FAM161A: variants seen among roughly 807,000 people sequenced by gnomAD.
The protein encoded by FAM161A is protein FAM161A.
Under a neutral mutation model 70.9 loss-of-function variants are expected in FAM161A, and 57 were observed. The observed-to-expected ratio is 0.80, with a 90% CI of 0.65 to 1.00. The LOEUF (loss-of-function observed/expected upper bound fraction) is 1.00, where lower values mean the gene tolerates loss of function less well. FAM161A is among the 50% of genes least tolerant of loss of function. The pLI, the probability that FAM161A is intolerant of heterozygous loss-of-function variation, is 0.00. For missense variants in FAM161A, 880 were observed against 836.0 expected (o/e 1.05, Z -0.65); for synonymous variants, 299 against 295.7 (o/e 1.01, Z -0.12).
intron 1 of FAM161A, among the ~76,000 whole-genome samples, chr2:61,844,498 A>G (rs189134440): frequency 6.6e-6 from 1 of 152,184 alleles, no homozygotes; most frequent in East Asian, 1.9e-4. Context: ...CAGGAGTTTG[A>G]GACCAGCCTG....
downstream of FAM161A, among the ~76,000 whole-genome samples, chr2:61,823,705 G>A (rs1291766887): frequency 3.3e-5 from 5 of 152,162 alleles, no homozygotes; most frequent in East Asian, 9.7e-4. Flanking sequence ...GTGTGTGTTT[G>A]TGTATGTGTA....
At chr2:61,803,739 G>A in the FAM161A span, among the ~76,000 whole-genome samples, 6 of 152,180 alleles carry the variant, frequency 3.9e-5, no homozygotes, top group South Asian at 2.1e-4. Context: ...GTGTGAACTC[G>A]GGACATGGAG....
At chr2:61,852,482 A>C (rs1476013418) in intron 1 of FAM161A, among the ~76,000 whole-genome samples, 4 of 152,226 alleles carry the variant, frequency 2.6e-5, no homozygotes, top group Non-Finnish European at 5.9e-5. Flanking sequence ...CAATTATTAT[A>C]GTTATTTTAC....
At chr2:61,812,560 A>G in the FAM161A span, among the ~76,000 whole-genome samples, 10 of 151,916 alleles carry the variant, frequency 6.6e-5, no homozygotes, top group African/African-American at 2.4e-4. Context: ...CGTCTACACT[A>G]AAAATACAAA....
the FAM161A span, among the ~76,000 whole-genome samples, chr2:61,813,865 T>TA: frequency 6.6e-6 from 1 of 152,222 alleles, no homozygotes; most frequent in Non-Finnish European, 1.5e-5. Context: ...CCATCCTATA[T>TA]ACTAGGCTCT....
Position 61,848,822 on chromosome 2 carries a change from AT to A in FAM161A, c.183+5036del, listed in dbSNP as rs1334416882. Among the ~76,000 whole-genome samples, 15 of 11,590 alleles carry A rather than the reference AT, an allele frequency of 1.3e-3. 2 individuals are homozygous for A. The highest frequency in any genetic ancestry group is 0.029 in the Middle Eastern group (1 of 34). The allele number at this position is 11,590 out of a possible 152,430, so 7.6% of individuals were successfully genotyped here. ...TCTGTCTATATATATATTTATATATATATATCTATATATATTTATATATATA... is the reference window on the plus strand; with the variant it reads ...TCTGTCTATATATATATTTATATATAATATCTATATATATTTATATATATA... On this transcript the variant is annotated intron_variant, in intron 1 of 6. Coordinates refer to ENST00000404929, the MANE Select transcript of FAM161A (RefSeq NM_001201543.2).
Position 61,839,823 on chromosome 2 carries a change from T to C in FAM161A, c.1181A>G (p.Asn394Ser). The C allele has an allele frequency of 6.2e-7, 1 of 1,614,088 alleles. No individual in the cohort carries two copies. Among genetic ancestry groups the C allele is most frequent in the Non-Finnish European group, 8.5e-7 (1 of 1,180,016 alleles). ...TQLRAQEHLQ[N>S]SSPLPCRSAC... is the part of the protein sequence containing the mutation. ...TGACCTACAAGGCAGAGGAGATGAG[T>C]TCTGTAAATGCTCCTGGGCTCTCAG... is the stretch of plus-strand genomic sequence containing the variant. Residue 394 changes from asparagine to serine, a missense_variant, in exon 3 of 7, where the codon AAC becomes AGC. By Grantham distance (46) the Asn-to-Ser change is conservative. Transcript: ENST00000404929.
the FAM161A span, among the ~76,000 whole-genome samples, chr2:61,808,409 G>A: frequency 6.6e-6 from 1 of 151,898 alleles, no homozygotes; most frequent in African/African-American, 2.4e-5. Context: ...AGTAGCTGGG[G>A]CTACAGGCGC....
chr2:61,847,442 T>C (rs1673263993), intron 1 of FAM161A, among the ~76,000 whole-genome samples: 1 of 152,068 alleles, frequency 6.6e-6, no homozygotes, highest in Non-Finnish European at 1.5e-5. Context: ...GATTGTGTAT[T>C]ATATGCCTGC....
chr2:61,809,647 A>G, the FAM161A span, among the ~76,000 whole-genome samples: 1 of 152,212 alleles, frequency 6.6e-6, no homozygotes. Flanking sequence ...AGATGGCCTT[A>G]GCATTCTTTC....
chr2:61,838,384 G>A (rs1672851587), intron 4 of FAM161A, among the ~76,000 whole-genome samples, 154 bp downstream of exon 4: 1 of 152,182 alleles, frequency 6.6e-6, no homozygotes, highest in South Asian at 2.1e-4. Flanking sequence ...AGGTGAGTGT[G>A]TGTGCACTGA....
At chr2:61,841,869 T>A (rs1044632237) in intron 2 of FAM161A, among the ~76,000 whole-genome samples, 2 of 152,220 alleles carry the variant, frequency 1.3e-5, no homozygotes, top group Non-Finnish European at 2.9e-5. Flanking sequence ...AGACTAAGTA[T>A]TTTGATACAT....
At chr2:61,837,984 AT>A (rs1484326073) in intron 4 of FAM161A, among the ~76,000 whole-genome samples, 2 of 152,232 alleles carry the variant, frequency 1.3e-5, no homozygotes, top group Admixed American at 6.5e-5. Context: ...AAACATCAAC[AT>A]TTTTATGTGC....
chr2:61,804,331 G>C, the FAM161A span, among the ~76,000 whole-genome samples: 4 of 152,122 alleles, frequency 2.6e-5, no homozygotes, highest in South Asian at 2.1e-4. Context: ...GTGACTTAGA[G>C]AATGCCTTAA....
chr2:61,849,549 T>C (rs1463337641), intron 1 of FAM161A, among the ~76,000 whole-genome samples: 1 of 151,262 alleles, frequency 6.6e-6, no homozygotes, highest in African/African-American at 2.4e-5. Context: ...CTTTGGGAGG[T>C]CAAGGCTGGC....
rs1672911942 is a variant in FAM161A at position 61,839,443 on chromosome 2, T to C, written c.1561A>G (p.Arg521Gly). The change falls in exon 3 of 7, where the codon AGA becomes GGA. Residue 521 changes from arginine (R) to glycine (G), a missense_variant. Transcript: ENST00000404929. ...CNPPVPTVSS[R>G]GREQAVRRSL... Reference sequence around the variant, plus strand: ...TACCTTACGGCTTGTTCTCGTCCTCTGGAAGATACCGTGGGCACGGGAGGG... The same window carrying C: ...TACCTTACGGCTTGTTCTCGTCCTCCGGAAGATACCGTGGGCACGGGAGGG... 6.2e-7 allele frequency: 1 copy of C among 1,614,082 alleles called. No homozygotes were observed.
At position 61,840,000 on chromosome 2, in the gene FAM161A, C is replaced by T. The variant is rs755314585; in HGVS notation, c.1004G>A (p.Arg335Gln). Reference protein sequence around the residue: ...FKFIAREEQKRAAREKQLRDF... With the variant: ...FKFIAREEQKQAAREKQLRDF... ...TCTCAGCTGCTTTTCCCGGGCTGCTCGCTTCTGTTCCTCCCTTGCTATAAA... is the reference window on the plus strand; with the variant it reads ...TCTCAGCTGCTTTTCCCGGGCTGCTTGCTTCTGTTCCTCCCTTGCTATAAA... The change falls in exon 3 of 7, where the codon CGA (arginine) becomes CAA (glutamine). Residue 335 changes from arginine (R) to glutamine (Q), a missense_variant. Physicochemically the swap from Arg to Gln is conservative, Grantham distance 43. Coordinates refer to ENST00000404929, the MANE Select transcript of FAM161A (RefSeq NM_001201543.2). The T allele has an allele frequency of 1.8e-5, 29 of 1,614,048 alleles. No individual in the cohort carries two copies. The Admixed American group carries it at 3.2e-4, about 18-fold the overall frequency.
At position 61,838,521 on chromosome 2, in the gene FAM161A, A is replaced by G. The variant is rs961818090; in HGVS notation, c.1751+17T>C. On this transcript the variant is annotated intron_variant, in intron 4 of 6. Transcript: ENST00000404929. Reference sequence around the variant, plus strand: ...TGAAAACCAGTGGTCTGGAGATTCAAGATTTTTTCATGATACCTGAGACAT... The same window carrying G: ...TGAAAACCAGTGGTCTGGAGATTCAGGATTTTTTCATGATACCTGAGACAT... The G allele has an allele frequency of 7.5e-6, 12 of 1,597,648 alleles. No individual in the cohort carries two copies. In the African/African-American group the frequency reaches 1.5e-4, roughly 20 times the overall value.
intron 5 of FAM161A, among the ~76,000 whole-genome samples, chr2:61,829,052 G>A (rs920522947): frequency 2.6e-5 from 4 of 152,116 alleles, no homozygotes; most frequent in Admixed American, 6.5e-5. Flanking sequence ...ATGTACCAAT[G>A]GCATTCATAC....
Sources: allele counts gnomAD v4.1 joint callset (sites outside exome capture counted in the v4.1 genomes callset), GRCh38; gene constraint gnomAD v4.1.1; transcripts MANE v1.5; gene names NCBI Gene and HGNC (gene_info 2026-07-23, HGNC 2026-07-21).